NXPH1: variants seen among roughly 807,000 people sequenced by gnomAD.
NXPH1 encodes neurexophilin 1.
NXPH1 carries 5 observed loss-of-function variants against 23.7 expected under a neutral mutation model. The ratio of observed to expected loss-of-function variants is 0.21; its 90% CI spans 0.11 to 0.44. The LOEUF (loss-of-function observed/expected upper bound fraction) is 0.44. Ranked by LOEUF, NXPH1 falls within the 20% of genes least tolerant of loss-of-function variation. NXPH1 has a pLI of 0.99. For synonymous variants in NXPH1, 144 were observed against 122.2 expected, an observed-to-expected ratio of 1.18 and a Z score of -1.18; for missense variants, 324 against 321.6, an observed-to-expected ratio of 1.01 and a Z score of -0.06.
In NXPH1 at chr7:8,698,905, C is replaced by T. The variant is rs1779577625; in HGVS notation, c.55-52103C>T. Reference sequence around the variant, plus strand: ...AAAGCCCATATTCATTACCATTATACCATTATATCAGGGTAAAAATTTATT... The same window carrying T: ...AAAGCCCATATTCATTACCATTATATCATTATATCAGGGTAAAAATTTATT... On this transcript the variant is annotated intron_variant, in intron 2 of 2. Transcript: ENST00000405863. 2.6e-5 allele frequency among the ~76,000 whole-genome samples: 4 copies of T among 152,130 alleles called. No individual in the cohort carries two copies. The South Asian group carries it at 8.3e-4, about 32-fold the overall frequency.
intron 2 of NXPH1, among the ~76,000 whole-genome samples, chr7:8,520,131 C>T (rs1260200131): frequency 6.6e-6 from 1 of 152,110 alleles, no homozygotes; most frequent in African/African-American, 2.4e-5. Context: ...ACTCCTTGAT[C>T]ATGTGTCACG....
chr7:8,668,214 C>G (rs1820808836), intron 2 of NXPH1, among the ~76,000 whole-genome samples: 1 of 147,786 alleles, frequency 6.8e-6, no homozygotes, highest in African/African-American at 2.5e-5. Context: ...TGGTCAGCAA[C>G]TGAGAGATTA....
chr7:8,642,245 A>G (rs1306589706), intron 2 of NXPH1, among the ~76,000 whole-genome samples: 1 of 152,198 alleles, frequency 6.6e-6, no homozygotes, highest in Non-Finnish European at 1.5e-5. Flanking sequence ...ACTGAGTATA[A>G]TGTTCAAATT....
At chr7:8,742,584 TA>T (rs1780386162) in intron 2 of NXPH1, among the ~76,000 whole-genome samples, 1 of 118,172 alleles carries the variant, frequency 8.5e-6, no homozygotes, top group Non-Finnish European at 2.0e-5. Context: ...GGAAAATATA[TA>T]ATGTAATTTA....
chr7:8,595,822 A>G (rs1268431469), intron 2 of NXPH1, among the ~76,000 whole-genome samples: 1 of 152,026 alleles, frequency 6.6e-6, no homozygotes, highest in African/African-American at 2.4e-5. Context: ...TTGAACAAAC[A>G]TCATCCTTTA....
chr7:8,613,931 C>A (rs1172841853), intron 2 of NXPH1, among the ~76,000 whole-genome samples: 1 of 151,606 alleles, frequency 6.6e-6, no homozygotes. Flanking sequence ...AAAATTATAT[C>A]ATAAATCATA....
At chr7:8,581,991 G>A (rs554262260) in intron 2 of NXPH1, among the ~76,000 whole-genome samples, 1 of 152,276 alleles carries the variant, frequency 6.6e-6, no homozygotes, top group East Asian at 1.9e-4. Flanking sequence ...AGTGGTGAGG[G>A]GTGTGTGGGT....
intron 2 of NXPH1, among the ~76,000 whole-genome samples, chr7:8,451,385 C>T (rs548110206): frequency 8.5e-5 from 13 of 152,258 alleles, no homozygotes; most frequent in Admixed American, 5.9e-4. Flanking sequence ...CAGCCGCTTC[C>T]GAAGCACAGA....
chr7:8,718,450 T>C (rs1275077471), intron 2 of NXPH1, among the ~76,000 whole-genome samples: 2 of 152,216 alleles, frequency 1.3e-5, no homozygotes, highest in Non-Finnish European at 2.9e-5. Context: ...CTGAAAACTC[T>C]GTTAGACATT....
chr7:8,589,588 C>T (rs1203333125), intron 2 of NXPH1, among the ~76,000 whole-genome samples: 1 of 151,972 alleles, frequency 6.6e-6, no homozygotes, highest in East Asian at 1.9e-4. Flanking sequence ...ACTCCAGGGG[C>T]AGGAGACAAG....
chr7:8,553,665 A>G (rs1818311712), intron 2 of NXPH1, among the ~76,000 whole-genome samples: 3 of 151,544 alleles, frequency 2.0e-5, no homozygotes, highest in African/African-American at 7.3e-5. Context: ...TCCACCCAAT[A>G]CTGTCTTTTC....
intron 2 of NXPH1, among the ~76,000 whole-genome samples, chr7:8,550,636 G>A (rs1818263929): frequency 3.3e-5 from 5 of 151,478 alleles, no homozygotes; most frequent in Admixed American, 3.3e-4. Flanking sequence ...TACCAACTCA[G>A]AGAGGAAATG....
intron 2 of NXPH1, among the ~76,000 whole-genome samples, chr7:8,510,025 C>T (rs2128613810): frequency 6.6e-6 from 1 of 152,278 alleles, no homozygotes; most frequent in South Asian, 2.1e-4. Context: ...AAGTCACTAG[C>T]TCTGAGCTAA....
At position 8,433,960 on chromosome 7, in the gene NXPH1, A is replaced by G. The variant is rs572881734; in HGVS notation, c.-906A>G. 71 of 152,314 alleles carry G rather than the reference A, an allele frequency of 4.7e-4. No homozygotes were observed. The highest frequency in any genetic ancestry group is 1.5e-3 in the African/African-American group (64 of 41,560). 9.4% of individuals were successfully genotyped at this position (152,314 alleles called of 1,614,324 possible). ...AATCATTCACCCACGTGCCAAAGTA[A>G]TTGTCCGTGTCAGGAAGGTAGGCGT... On this transcript the variant is annotated 5_prime_UTR_variant, in exon 1 of 3. Coordinates refer to ENST00000405863, the MANE Select transcript of NXPH1 (RefSeq NM_152745.3). This position sits in a 1 kb window ranked among gnomAD's most constrained non-coding sequence, Gnocchi z 6.8.
chr7:8,468,776 G>A (rs1444666839), intron 2 of NXPH1, among the ~76,000 whole-genome samples: 2 of 151,992 alleles, frequency 1.3e-5, no homozygotes, highest in African/African-American at 4.8e-5. Context: ...TGTTATGATA[G>A]TTCAGTTCTT....
chr7:8,474,399 A>G (rs1816931805), intron 2 of NXPH1, among the ~76,000 whole-genome samples: 1 of 152,148 alleles, frequency 6.6e-6, no homozygotes, highest in Non-Finnish European at 1.5e-5. Context: ...TGGGAAATAT[A>G]GAGAAGTCTA....
chr7:8,646,484 AACCT>A (rs1194369815), intron 2 of NXPH1, among the ~76,000 whole-genome samples: 1 of 152,134 alleles, frequency 6.6e-6, no homozygotes, highest in Non-Finnish European at 1.5e-5. Flanking sequence ...TCCTGGCTAT[AACCT>A]CCAGTAAACT....
intron 2 of NXPH1, among the ~76,000 whole-genome samples, chr7:8,650,547 C>G (rs1436869354): frequency 2.6e-5 from 4 of 152,198 alleles, no homozygotes; most frequent in African/African-American, 7.2e-5. Context: ...CTAATCCTAA[C>G]TCTGAAAAAT....
At chr7:8,536,599 T>C (rs1034784744) in intron 2 of NXPH1, among the ~76,000 whole-genome samples, 7 of 119,606 alleles carry the variant, frequency 5.9e-5, no homozygotes, top group East Asian at 2.8e-4. Flanking sequence ...ATTGTGACCA[T>C]TGGTAGACTT....
Sources: gnomAD v4.1 joint callset for allele counts (sites outside exome capture counted in the v4.1 genomes callset) on GRCh38, gnomAD v4.1.1 for gene constraint, Gnocchi (gnomAD v3.1) non-coding constraint, MANE v1.5 for transcripts, NCBI Gene and HGNC (gene_info 2026-07-23, HGNC 2026-07-21) for gene names.